ADAMTSL3: variants seen among roughly 807,000 people sequenced by gnomAD.
ADAMTSL3 encodes ADAMTS like 3, also known as ADAMTS-like protein 3.
Under a neutral mutation model 201.7 loss-of-function variants are expected in ADAMTSL3, and 128 were observed. The ratio of observed to expected loss-of-function variants is 0.63; its 90% confidence interval spans 0.55 to 0.73. The LOEUF (loss-of-function observed/expected upper bound fraction) is 0.73, where lower values mean the gene tolerates loss of function less well. ADAMTSL3 is among the 30% of genes least tolerant of loss of function. The pLI is 0.00. For synonymous variants in ADAMTSL3, 738 were observed against 748.4 expected (o/e 0.99, Z 0.23); for missense variants, 1,990 against 2,119.6 (o/e 0.94, Z 1.20).
In ADAMTSL3 at chr15:83,890,182, C is replaced by CT. The variant is rs1216685468; in HGVS notation, c.1147dup (p.Tyr383LeufsTer3). 1 of 1,614,060 alleles carries CT rather than the reference C, an allele frequency of 6.2e-7. No individual in the cohort carries two copies. The highest frequency in any genetic ancestry group is 1.1e-5 in the South Asian group (1 of 91,066). ...TAGTTCCTGACCATTATTGTCACTACTACCCTGAAAATGTAAAACCAAAAC... is the reference window on the plus strand; with the variant it reads ...TAGTTCCTGACCATTATTGTCACTACTTACCCTGAAAATGTAAAACCAAAAC... On this transcript the variant is annotated frameshift_variant, in exon 11 of 30. Transcript: ENST00000286744. LOFTEE classifies it high-confidence loss of function.
At chr15:83,783,968 C>T (rs1443377609) in intron 4 of ADAMTSL3, among the ~76,000 whole-genome samples, 1 of 151,994 alleles carries the variant, frequency 6.6e-6, no homozygotes, top group Non-Finnish European at 1.5e-5. Context: ...GAAAAATACC[C>T]TTCTTCTGCC....
chr15:83,975,444 C>T (rs1055504829), intron 20 of ADAMTSL3, among the ~76,000 whole-genome samples: 1 of 152,192 alleles, frequency 6.6e-6, no homozygotes, highest in African/African-American at 2.4e-5. Context: ...GTCATAGCTA[C>T]AGTCGTAGAG....
chr15:83,882,508 T>G (rs2065295384), intron 9 of ADAMTSL3, among the ~76,000 whole-genome samples: 1 of 152,226 alleles, frequency 6.6e-6, no homozygotes. Flanking sequence ...ACCACTTCTG[T>G]ATTTATATTA....
At chr15:83,897,420 A>C (rs551120223) in intron 13 of ADAMTSL3, among the ~76,000 whole-genome samples, 2 of 150,140 alleles carry the variant, frequency 1.3e-5, no homozygotes, top group South Asian at 4.1e-4. Flanking sequence ...TATAGACAGA[A>C]TAGAAAAATA....
At chr15:83,766,820 C>T (rs1406843642) in intron 3 of ADAMTSL3, among the ~76,000 whole-genome samples, 2 of 152,122 alleles carry the variant, frequency 1.3e-5, no homozygotes, top group Admixed American at 6.5e-5. Flanking sequence ...GATGGCTGGG[C>T]GTAGTGGTTC....
At chr15:83,957,052 C>A (rs1450615089) in intron 19 of ADAMTSL3, among the ~76,000 whole-genome samples, 1 of 152,096 alleles carries the variant, frequency 6.6e-6, no homozygotes, top group Admixed American at 6.5e-5. Flanking sequence ...TACAGAGCTA[C>A]GTGAAAATTG....
At chr15:83,922,247 C>G (rs2066161091) in intron 16 of ADAMTSL3, among the ~76,000 whole-genome samples, 1 of 152,102 alleles carries the variant, frequency 6.6e-6, no homozygotes, top group Non-Finnish European at 1.5e-5. Flanking sequence ...AAAATATACT[C>G]TACCTCAATA....
chr15:84,016,570 A>G, intron 25 of ADAMTSL3, 71 bp downstream of exon 25: 1 of 1,286,754 alleles, frequency 7.8e-7, no homozygotes, highest in Non-Finnish European at 1.1e-6. Context: ...TAGCTAAAAG[A>G]CCATCTGTAT....
At position 83,968,662 on chromosome 15, in the gene ADAMTSL3, G is replaced by T. The variant is rs554826502; in HGVS notation, c.2491-1822G>T. ...TTTGATCCAGCAATCCCATAACTGG[G>T]TATATACCCAAAGGATTGGAAATCA... On this transcript the variant is annotated intron_variant, in intron 19 of 29. Transcript: ENST00000286744. Among the ~76,000 whole-genome samples, 344 of 152,316 alleles carry T rather than the reference G, an allele frequency of 2.3e-3. 1 individual carries two copies. Among genetic ancestry groups the T allele is most frequent in the African/African-American group, 7.9e-3 (327 of 41,562 alleles).
At chr15:83,864,640 A>G (rs1033592923) in intron 8 of ADAMTSL3, among the ~76,000 whole-genome samples, 3 of 152,206 alleles carry the variant, frequency 2.0e-5, no homozygotes, top group African/African-American at 7.2e-5. Context: ...ATCTATGACA[A>G]ACCCACAGCC....
chr15:83,685,231 T>C (rs2061520185), intron 2 of ADAMTSL3, among the ~76,000 whole-genome samples: 1 of 152,230 alleles, frequency 6.6e-6, no homozygotes, highest in Non-Finnish European at 1.5e-5. Context: ...TTATGTATTC[T>C]GGATACAAAT....
intron 7 of ADAMTSL3, among the ~76,000 whole-genome samples, chr15:83,845,565 G>A (rs1311810700): frequency 6.6e-6 from 1 of 152,170 alleles, no homozygotes; most frequent in African/African-American, 2.4e-5. Context: ...TCTGCACAGT[G>A]AGCATGGACA....
intron 8 of ADAMTSL3, among the ~76,000 whole-genome samples, chr15:83,864,964 C>T (rs934248693): frequency 6.6e-6 from 1 of 152,100 alleles, no homozygotes; most frequent in African/African-American, 2.4e-5. Context: ...TCTTATACAC[C>T]AATAACAGAC....
rs778505298 is a variant in ADAMTSL3, at chr15:83,982,955, C to T, written c.3327C>T (p.Thr1109=). 10 of 1,614,050 alleles carry T rather than the reference C, an allele frequency of 6.2e-6. No homozygotes were observed. Among genetic ancestry groups the T allele is most frequent in the Non-Finnish European group, 6.8e-6 (8 of 1,180,008 alleles). ...LIRNMSQLME[T]GEVSDDLASQ... ...GAAACATGAGTCAGCTCATGGAAAC[C>T]GGAGAGGTCAGCGATGATCTTGCGT... The change falls in exon 21 of 30, where the codon ACC becomes ACT. Residue 1109 remains threonine, a synonymous_variant. Transcript: ENST00000286744.
chr15:83,840,731 T>C (rs951478014), intron 7 of ADAMTSL3, among the ~76,000 whole-genome samples: 1 of 152,158 alleles, frequency 6.6e-6, no homozygotes, highest in Non-Finnish European at 1.5e-5. Context: ...TTTTTGGACT[T>C]CATGAAGGAG....
intron 19 of ADAMTSL3, among the ~76,000 whole-genome samples, chr15:83,960,432 A>G (rs2066945258): frequency 6.6e-6 from 1 of 152,146 alleles, no homozygotes; most frequent in East Asian, 1.9e-4. Flanking sequence ...TTTCCCTAGG[A>G]GTAAATGTGG....
rs1284765630 is a variant in ADAMTSL3, at chr15:83,942,995, A to G, written c.2403A>G (p.Glu801=). The change falls in exon 19 of 30, where the codon GAA becomes GAG. Residue 801 remains glutamate, a synonymous_variant. Coordinates refer to ENST00000286744, the MANE Select transcript of ADAMTSL3 (RefSeq NM_207517.3). ...GCAGCTTTTTGAATCTCTCAGATGA[A>G]TTGTGCCAAGGACCCAAGGCATCGT... ...TDGSFLNLSD[E]LCQGPKASSH... The G allele has an allele frequency of 4.3e-6, 7 of 1,613,990 alleles. No homozygotes were observed. Among genetic ancestry groups the G allele is most frequent in the Non-Finnish European group, 5.9e-6 (7 of 1,179,996 alleles).
At position 84,037,891 on chromosome 15, in the gene ADAMTSL3, G is replaced by T; in HGVS notation, c.*85G>T. The T allele has an allele frequency of 6.7e-7, 1 of 1,499,944 alleles. No individual in the cohort carries two copies. The highest frequency in any genetic ancestry group is 8.9e-7 in the Non-Finnish European group (1 of 1,127,244). The allele number at this position is 1,499,944 out of a possible 1,614,324, so 92.9% of individuals were successfully genotyped here. A position where few individuals can be genotyped will look rare whatever the true frequency, so the allele number is the denominator to read the frequency against. On this transcript the variant is annotated 3_prime_UTR_variant, in exon 30 of 30. Coordinates refer to ENST00000286744, the MANE Select transcript of ADAMTSL3 (RefSeq NM_207517.3). ...CCCCATGTCGCTGATTCAAAAACAT[G>T]TATTTCTTAAAAGACTAGATTCTAT...
At chr15:83,867,642 A>T (rs762206591) in intron 8 of ADAMTSL3, among the ~76,000 whole-genome samples, 1 of 152,230 alleles carries the variant, frequency 6.6e-6, no homozygotes, top group Non-Finnish European at 1.5e-5. Flanking sequence ...TGAAATTAGC[A>T]TATGCTATAG....
Sources: gnomAD v4.1 joint callset for allele counts (sites outside exome capture counted in the v4.1 genomes callset) on GRCh38, gnomAD v4.1.1 for gene constraint, MANE v1.5 for transcripts, NCBI Gene and HGNC (gene_info 2026-07-23, HGNC 2026-07-21) for gene names.